The following EPG5 variants were observed in gnomAD, a reference collection of about 807,000 sequenced individuals.
EPG5 encodes the protein ectopic P-granules 5 autophagy tethering factor.
EPG5 carries 159 observed loss-of-function variants against 302.7 expected under a neutral mutation model. The observed-to-expected ratio is 0.53, with a 90% CI of 0.46 to 0.60. The LOEUF is 0.60. EPG5 is among the 20% of genes least tolerant of loss of function. The pLI, the probability that EPG5 is intolerant of heterozygous loss-of-function variation, is 0.00. For missense variants in EPG5, 2,896 were observed against 3,092.4 expected (o/e 0.94, Z 1.51); for synonymous variants, 1,158 against 1,136.8 (o/e 1.02, Z -0.37).
chr18:45,952,782 G>A (rs1315939711), intron 2 of EPG5, 139 bp from the exon 3 acceptor site: 3 of 883,586 alleles, frequency 3.4e-6, no homozygotes, highest in African/African-American at 3.4e-5. Context: ...ATATTACTGT[G>A]TAGAGAACAT....
the EPG5 span, among the ~76,000 whole-genome samples, chr18:45,820,050 C>G: frequency 6.6e-6 from 1 of 152,190 alleles, no homozygotes; most frequent in Non-Finnish European, 1.5e-5. Flanking sequence ...GTTTCACCCC[C>G]ATCTGGTGCA....
the EPG5 span, among the ~76,000 whole-genome samples, chr18:45,834,023 C>T: frequency 2.6e-5 from 4 of 152,218 alleles, no homozygotes; most frequent in African/African-American, 9.6e-5. Context: ...ATTACGCCTT[C>T]ATGCCTGGCA....
chr18:45,910,387 A>G lies in EPG5; in HGVS notation c.4205+134T>C, dbSNP rs76515809. The G allele has an allele frequency of 1.3e-3, 818 of 643,142 alleles. No homozygotes were observed. In the African/African-American group the frequency reaches 0.013, roughly 10 times the overall value. 39.8% of individuals were successfully genotyped at this position (643,142 alleles called of 1,614,324 possible). ...GAAACATTTCAAGATGCAAATCTAT[A>G]TCAAAGCCACCTTCCATATTCAATC... is the stretch of plus-strand genomic sequence containing the variant. On this transcript the variant is annotated intron_variant, in intron 23 of 43. Transcript: ENST00000282041.
chr18:45,805,061 G>A, the EPG5 span, among the ~76,000 whole-genome samples: 7 of 152,010 alleles, frequency 4.6e-5, no homozygotes, highest in Admixed American at 1.3e-4. Flanking sequence ...TTCTTAGAGC[G>A]GACATTGGGT....
intron 35 of EPG5, among the ~76,000 whole-genome samples, chr18:45,873,987 A>C (rs1198512730): frequency 2.0e-5 from 3 of 152,228 alleles, no homozygotes; most frequent in Admixed American, 6.5e-5. Flanking sequence ...GGAGATAGTA[A>C]AAGGATCAGG....
chr18:45,940,755 T>TTA, intron 9 of EPG5, among the ~76,000 whole-genome samples: 1 of 152,174 alleles, frequency 6.6e-6, no homozygotes, highest in South Asian at 2.1e-4. Context: ...AAAGATGGTA[T>TTA]TTTGATGGTG....
intron 27 of EPG5, among the ~76,000 whole-genome samples, chr18:45,899,081 C>T (rs369257503): frequency 1.2e-4 from 18 of 152,030 alleles, no homozygotes; most frequent in African/African-American, 3.4e-4. Context: ...GCCAAGATCG[C>T]GCCACTGCAC....
chr18:45,914,086 T>C (rs965564337), intron 20 of EPG5, among the ~76,000 whole-genome samples: 4 of 152,234 alleles, frequency 2.6e-5, no homozygotes, highest in Non-Finnish European at 1.5e-5. Flanking sequence ...ACTCCATATT[T>C]ACCAGGCAAG....
intron 27 of EPG5, among the ~76,000 whole-genome samples, chr18:45,890,519 A>T (rs1482515240): frequency 1.3e-5 from 2 of 152,186 alleles, no homozygotes; most frequent in Non-Finnish European, 1.5e-5. Flanking sequence ...CTGGTCTTTG[A>T]TAAAATTTTT....
intron 1 of EPG5, among the ~76,000 whole-genome samples, chr18:45,959,758 T>C (rs982665381): frequency 5.9e-5 from 9 of 151,654 alleles, no homozygotes; most frequent in Non-Finnish European, 1.3e-4. Flanking sequence ...GGTGGGTGGA[T>C]CACCTGAGGT....
At chr18:45,922,299 T>G in intron 16 of EPG5, 42 bp downstream of exon 16, 2 of 1,596,446 alleles carry the variant, frequency 1.3e-6, no homozygotes, top group Non-Finnish European at 1.7e-6. Flanking sequence ...TAGAACTATC[T>G]GCAAGGTTCA....
rs148241618 is a variant in EPG5, at chr18:45,880,124, T to A, written c.5618A>T (p.Glu1873Val). The part of the protein sequence containing the change: ...PSCQQGAAST[E>V]GAVLPSSSDA... ...AGAAGAGCTGGGAAGCACGGCGCCC[T>A]CGGTGGACGCTGCCCCCTGCTGGCA... The change falls in exon 32 of 44, where the codon GAG becomes GTG. Residue 1873 changes from glutamate (E) to valine (V), a missense_variant. This residue lies in a region of EPG5 where 790 missense variants were observed against 798.0 expected (regional missense o/e 0.99). Transcript: ENST00000282041. The A allele has an allele frequency of 6.2e-4, 1,004 of 1,610,950 alleles. 14 individuals carry two copies. The East Asian group carries it at 0.019, about 30-fold the overall frequency.
chr18:45,954,430 C>T lies in EPG5; in HGVS notation c.972G>A (p.Arg324=), dbSNP rs563029581. 3 of 1,613,204 alleles carry T rather than the reference C, an allele frequency of 1.9e-6. No individual in the cohort carries two copies. The highest frequency in any genetic ancestry group is 4.5e-5 in the East Asian group (2 of 44,890). Residue 324 remains arginine, a synonymous_variant, in exon 2 of 44, where the codon CGG becomes CGA. Coordinates refer to ENST00000282041, the MANE Select transcript of EPG5 (RefSeq NM_020964.3). ...LTSDCQNAKS[R]LWQFKEEQMS... Reference sequence around the variant, plus strand: ...TTTGTTCCTCCTTAAACTGCCACAGCCGACTTTTAGCATTTTGGCAATCAG... The same window carrying T: ...TTTGTTCCTCCTTAAACTGCCACAGTCGACTTTTAGCATTTTGGCAATCAG...
chr18:45,886,148 A>T (rs2049212102), intron 29 of EPG5, among the ~76,000 whole-genome samples: 1 of 152,250 alleles, frequency 6.6e-6, no homozygotes, highest in Non-Finnish European at 1.5e-5. Context: ...GATGTAAAAC[A>T]TCAAATATAC....
At chr18:45,878,329 A>C (rs777736528) in intron 34 of EPG5, 47 bp downstream of exon 34, 3 of 1,262,580 alleles carry the variant, frequency 2.4e-6, no homozygotes, top group African/African-American at 1.5e-5. Context: ...TTAGAATTTT[A>C]AGTCTACAAA....
chr18:45,913,774 G>A lies in EPG5; in HGVS notation c.3748C>T (p.Gln1250Ter), dbSNP rs2049966263. 6.2e-7 allele frequency: 1 copy of A among 1,613,948 alleles called. No individual in the cohort carries two copies. The highest frequency in any genetic ancestry group is 1.3e-5 in the African/African-American group (1 of 74,906). The change falls in exon 21 of 44, where the codon CAG (glutamine) becomes TAG (stop). Residue 1250 changes from glutamine (Q) to a stop codon, truncating the protein, a stop_gained. Coordinates refer to ENST00000282041, the MANE Select transcript of EPG5 (RefSeq NM_020964.3). LOFTEE classifies it high-confidence loss of function. Reference protein sequence around the residue: ...NMESIFEEDSQLRRVIEGELV... With the variant: ...NMESIFEEDS Reference sequence around the variant, plus strand: ...TCCCCTTCAATAACTCTCCGGAGCTGGGAGTCCTCTTCAAAGATGGATTCC... The same window carrying A: ...TCCCCTTCAATAACTCTCCGGAGCTAGGAGTCCTCTTCAAAGATGGATTCC...
At chr18:45,876,776 A>T (rs1336160155) in intron 34 of EPG5, among the ~76,000 whole-genome samples, 1 of 151,914 alleles carries the variant, frequency 6.6e-6, no homozygotes, top group Non-Finnish European at 1.5e-5. Flanking sequence ...ATAGAAAATG[A>T]GCAAATAAAA....
chr18:45,882,921 A>G (rs9953484), intron 30 of EPG5, among the ~76,000 whole-genome samples: 5,641 of 151,386 alleles, frequency 0.037, 309 homozygotes, highest in African/African-American at 0.12. Context: ...ACAGGAGAAT[A>G]GCTTGAACCC....
intron 1 of EPG5, among the ~76,000 whole-genome samples, chr18:45,957,987 T>C (rs1242322299): frequency 6.6e-6 from 1 of 152,240 alleles, no homozygotes; most frequent in Non-Finnish European, 1.5e-5. Context: ...GTGACCCCTG[T>C]ACTCTACTAG....
Sources: allele counts gnomAD v4.1 joint callset (sites outside exome capture counted in the v4.1 genomes callset), GRCh38; gene constraint gnomAD v4.1.1; regional missense constraint gnomAD v4.1.1; transcripts MANE v1.5; gene names NCBI Gene and HGNC (gene_info 2026-07-23, HGNC 2026-07-21).